The following CLSTN1 variants were observed in gnomAD, a reference collection of about 807,000 sequenced individuals.
CLSTN1 encodes calsyntenin-1.
In CLSTN1, 28 loss-of-function variants were observed where a neutral mutation model predicts 108.3. That is an observed-to-expected ratio of 0.26 (90% confidence interval 0.19 to 0.35). The LOEUF is 0.35. Ranked by LOEUF, CLSTN1 falls within the 10% of genes least tolerant of loss-of-function variation. The pLI, the probability that CLSTN1 is intolerant of heterozygous loss-of-function variation, is 1.00. For missense variants in CLSTN1, 1,157 were observed against 1,302.6 expected (o/e 0.89, Z 1.72); for synonymous variants, 524 against 534.9 (o/e 0.98, Z 0.28).
chr1:9,731,018 G>T, intron 18 of CLSTN1, 188 bp downstream of exon 18: 1 of 686,104 alleles, frequency 1.5e-6, no homozygotes, highest in Non-Finnish European at 2.5e-6. Context: ...CTACACTTAA[G>T]GCAGAACGGC....
chr1:9,786,648 CAAAAAAAAAAA>C (rs36003203), intron 1 of CLSTN1, among the ~76,000 whole-genome samples: 1 of 37,094 alleles, frequency 2.7e-5, no homozygotes, highest in Admixed American at 3.1e-4. Flanking sequence ...GACTCCGTCT[CAAAAAAAAAAA>C]AAAAAAAAAA....
intron 4 of CLSTN1, among the ~76,000 whole-genome samples, chr1:9,753,786 C>A (rs577978562): frequency 6.6e-6 from 1 of 151,234 alleles, no homozygotes; most frequent in South Asian, 2.1e-4. Context: ...GGATTACAGG[C>A]GTGAGCCACC....
chr1:9,773,124 A>C, intron 2 of CLSTN1, 148 bp downstream of exon 2: 5 of 1,058,586 alleles, frequency 4.7e-6, no homozygotes, highest in East Asian at 5.5e-5. Flanking sequence ...TATTAAAAGG[A>C]AAAAAAAACA....
In CLSTN1 at chr1:9,734,574, C is replaced by CAA. The variant is rs146428342; in HGVS notation, c.2110+372_2110+373dup. Among the ~76,000 whole-genome samples the CAA allele has an allele frequency of 1.1e-4, 11 of 102,024 alleles. No individual in the cohort carries two copies. The highest frequency in any genetic ancestry group is 1.5e-4 in the African/African-American group (4 of 27,046). The allele number at this position is 102,024 out of a possible 152,430, so 66.9% of individuals were successfully genotyped here. ...TGGGCGACAGAGTGAGACTCCATCT[C>CAA]AAAAAAAAAAAAAAAGGGGGGGAGT... On this transcript the variant is annotated intron_variant, in intron 14 of 18. Transcript: ENST00000377298. This position sits in a 1 kb window ranked among gnomAD's most constrained non-coding sequence, Gnocchi z 4.8.
intron 1 of CLSTN1, among the ~76,000 whole-genome samples, chr1:9,788,212 T>C (rs560991256): frequency 7.4e-4 from 112 of 151,460 alleles, no homozygotes; most frequent in African/African-American, 2.6e-3. Context: ...GCCAAGATGG[T>C]GCCACTGCAC....
At chr1:9,762,002 C>A (rs943652958) in intron 2 of CLSTN1, among the ~76,000 whole-genome samples, 6 of 152,186 alleles carry the variant, frequency 3.9e-5, no homozygotes, top group Non-Finnish European at 1.5e-5. Flanking sequence ...GCAGAACAGC[C>A]TGGACAGACA....
chr1:9,793,852 A>G (rs1211060811), intron 1 of CLSTN1, among the ~76,000 whole-genome samples: 1 of 151,500 alleles, frequency 6.6e-6, no homozygotes, highest in Non-Finnish European at 1.5e-5. Context: ...AAAGTTGGGA[A>G]TATCTTCAGT....
rs1197316188 is a variant in CLSTN1 at position 9,735,294 on chromosome 1, A to C, written c.1884-120T>G. 2.9e-6 allele frequency: 4 copies of C among 1,368,078 alleles called. No individual in the cohort carries two copies. In the East Asian group the frequency reaches 9.2e-5, roughly 31 times the overall value. The allele number at this position is 1,368,078 out of a possible 1,614,324, so 84.7% of individuals were successfully genotyped here. A position where few individuals can be genotyped will look rare whatever the true frequency, so the allele number is the denominator to read the frequency against. On this transcript the variant is annotated intron_variant, in intron 13 of 18. Transcript: ENST00000377298. ...CACTAACACCTGCCGGGGCCACTCC[A>C]GGAACACACTTGCAAACAAGATGCG...
intron 2 of CLSTN1, among the ~76,000 whole-genome samples, chr1:9,772,140 CTTTTTTTTT>C (rs57522417): frequency 1.6e-4 from 5 of 30,918 alleles, no homozygotes; most frequent in Non-Finnish European, 2.7e-4. Context: ...CCACACCCGG[CTTTTTTTTT>C]TTTTTTTTTT....
At chr1:9,810,163 A>AGGGG (rs1570521388) in intron 1 of CLSTN1, among the ~76,000 whole-genome samples, 1 of 108,632 alleles carries the variant, frequency 9.2e-6, no homozygotes, top group Admixed American at 9.4e-5. Context: ...GGAGGGGAGG[A>AGGGG]AGGGAGGGAA....
chr1:9,796,069 C>CT (rs1359335152), intron 1 of CLSTN1, among the ~76,000 whole-genome samples: 1 of 150,800 alleles, frequency 6.6e-6, no homozygotes, highest in African/African-American at 2.4e-5. Context: ...TGAGACCAGC[C>CT]TGGCCAACAT....
Position 9,759,714 on chromosome 1 carries a change from G to A in CLSTN1, c.215-3204C>T, listed in dbSNP as rs76639688. ...ACATCATTGCGAAAGAGATCCGAGG[G>A]GCCCCAAAGCTTAAAATAGTCCCTA... On this transcript the variant is annotated intron_variant, in intron 2 of 18. Transcript: ENST00000377298. 2.8e-3 allele frequency among the ~76,000 whole-genome samples: 425 copies of A among 152,266 alleles called. 2 individuals are homozygous for A. Among genetic ancestry groups the A allele is most frequent in the Non-Finnish European group, 4.9e-3 (334 of 68,014 alleles).
chr1:9,768,035 A>G (rs1046079540), intron 2 of CLSTN1, among the ~76,000 whole-genome samples: 3 of 152,140 alleles, frequency 2.0e-5, no homozygotes, highest in African/African-American at 7.2e-5. Flanking sequence ...CCTTTTACAA[A>G]TGATGAAATG....
chr1:9,731,112 G>GC, intron 18 of CLSTN1, 94 bp downstream of exon 18: 1 of 1,416,768 alleles, frequency 7.1e-7, no homozygotes, highest in Non-Finnish European at 1.0e-6. Flanking sequence ...GCGATGGAAA[G>GC]CATGTGAACC....
chr1:9,800,866 G>C (rs1281780107), intron 1 of CLSTN1, among the ~76,000 whole-genome samples: 1 of 152,006 alleles, frequency 6.6e-6, no homozygotes, highest in African/African-American at 2.4e-5. Context: ...TGGAACCTGG[G>C]AGGCGGAGGC....
intron 1 of CLSTN1, among the ~76,000 whole-genome samples, chr1:9,794,668 C>A (rs1475513960): frequency 1.3e-5 from 2 of 151,334 alleles, no homozygotes; most frequent in African/African-American, 4.8e-5. Flanking sequence ...CAGGGACGTG[C>A]CATGATTTCC....
chr1:9,769,403 G>A, intron 2 of CLSTN1, among the ~76,000 whole-genome samples: 1 of 152,116 alleles, frequency 6.6e-6, no homozygotes, highest in East Asian at 1.9e-4. Context: ...GTCCATCAGT[G>A]GATGAACAGA....
chr1:9,815,810 C>A (rs1278099943), intron 1 of CLSTN1, among the ~76,000 whole-genome samples: 1 of 152,124 alleles, frequency 6.6e-6, no homozygotes, highest in African/African-American at 2.4e-5. Context: ...GTGGCAGGCA[C>A]CTGTAATCCC....
intron 1 of CLSTN1, among the ~76,000 whole-genome samples, chr1:9,790,737 C>T (rs956792893): frequency 5.3e-5 from 8 of 151,312 alleles, no homozygotes; most frequent in South Asian, 2.2e-4. Context: ...GCTAATCTAG[C>T]GGATTCAGCT....
Sources: allele counts gnomAD v4.1 joint callset (sites outside exome capture counted in the v4.1 genomes callset), GRCh38; gene constraint gnomAD v4.1.1; non-coding constraint Gnocchi (gnomAD v3.1); transcripts MANE v1.5; gene names NCBI Gene and HGNC (gene_info 2026-07-23, HGNC 2026-07-21).